Variants in CPS1 observed in about 807,000 individuals in gnomAD.
CPS1 encodes carbamoyl-phosphate synthase [ammonia], mitochondrial.
In CPS1, 109 loss-of-function variants were observed where a neutral mutation model predicts 174.6. The observed-to-expected ratio is 0.62, with a 90% CI of 0.53 to 0.73. CPS1 has a LOEUF of 0.73. Among genes scored for constraint, CPS1 ranks in the 30% least tolerant of loss-of-function variants. The pLI, the probability that CPS1 is intolerant of heterozygous loss-of-function variation, is 0.00. For synonymous variants in CPS1, 637 were observed against 632.0 expected, an observed-to-expected ratio of 1.01 and a Z score of -0.12; for missense variants, 1,689 against 1,821.9, an observed-to-expected ratio of 0.93 and a Z score of 1.33.
At chr2:210,611,472 A>G (rs545980986) in intron 19 of CPS1, among the ~76,000 whole-genome samples, 16 of 152,078 alleles carry the variant, frequency 1.1e-4, no homozygotes, top group Admixed American at 3.9e-4. Context: ...CAACTTGTCC[A>G]AACTAAATCA....
intron 6 of CPS1, among the ~76,000 whole-genome samples, 173 bp from the exon 7 acceptor site, chr2:210,587,885 G>A (rs1482548116): frequency 4.1e-4 from 62 of 151,994 alleles, no homozygotes; most frequent in Admixed American, 4.1e-3. Context: ...ACAGTCTGTG[G>A]CACTTGTTGT....
chr2:210,542,046 G>A (rs1696446563), intron 1 of CPS1, among the ~76,000 whole-genome samples: 1 of 152,018 alleles, frequency 6.6e-6, no homozygotes, highest in Non-Finnish European at 1.5e-5. Flanking sequence ...ATATACTCAA[G>A]TATTCTTAGT....
chr2:210,658,758 G>C, intron 31 of CPS1, 70 bp downstream of exon 31: 2 of 1,152,326 alleles, frequency 1.7e-6, no homozygotes, highest in Non-Finnish European at 1.3e-6. Flanking sequence ...CATCTCTCTG[G>C]TAATCTTCTC....
chr2:210,514,887 G>GTT (rs982742256), intron 1 of CPS1, among the ~76,000 whole-genome samples: 1 of 141,900 alleles, frequency 7.0e-6, no homozygotes, highest in African/African-American at 2.6e-5. Context: ...AGTTTGTTGA[G>GTT]TTTTTTTTTT....
chr2:210,572,799 A>G lies in CPS1; in HGVS notation c.127-499A>G, dbSNP rs1379059046. ...CATGGAAAGGGCAACCCTTGGGACA[A>G]CTCCATCAAACACAAGAGCTCTGTG... On this transcript the variant is annotated intron_variant, in intron 1 of 37. Transcript: ENST00000233072. Among the ~76,000 whole-genome samples, 4 of 152,012 alleles carry G rather than the reference A, an allele frequency of 2.6e-5. No homozygotes were observed. The East Asian group carries it at 5.8e-4, about 22-fold the overall frequency.
chr2:210,495,291 T>A (rs1407520691), intron 1 of CPS1, among the ~76,000 whole-genome samples: 1 of 152,168 alleles, frequency 6.6e-6, no homozygotes. Context: ...GGATGTCCCA[T>A]CACCCCATCA....
At chr2:210,575,041 T>C (rs1697641718) in intron 2 of CPS1, among the ~76,000 whole-genome samples, 1 of 152,074 alleles carries the variant, frequency 6.6e-6, no homozygotes, top group South Asian at 2.1e-4. Flanking sequence ...ATTTATATTG[T>C]GGGCAAGCCT....
chr2:210,642,488 C>T lies in CPS1; in HGVS notation c.2964C>T (p.Ser988=), dbSNP rs375326715. The T allele has an allele frequency of 6.2e-7, 1 of 1,613,906 alleles. No homozygotes were observed. The highest frequency in any genetic ancestry group is 8.5e-7 in the Non-Finnish European group (1 of 1,179,826). The change falls in exon 25 of 38, where the codon AGC becomes AGT. Residue 988 remains serine (S), a synonymous_variant. Transcript: ENST00000233072. ...VLGCGPYHIG[S]SVEFDWCAVS... ...CCAATCTCATTGTCTCTGCAGGCAG[C>T]AGTGTGGAATTTGATTGGTGTGCTG...
intron 1 of CPS1, among the ~76,000 whole-genome samples, chr2:210,478,223 T>C (rs1694457916): frequency 6.6e-6 from 1 of 152,242 alleles, no homozygotes; most frequent in Admixed American, 6.5e-5. Flanking sequence ...TATTGTTCAC[T>C]CCAAGAGTAT....
At chr2:210,528,424 C>A (rs1416790946) in intron 1 of CPS1, among the ~76,000 whole-genome samples, 1 of 151,962 alleles carries the variant, frequency 6.6e-6, no homozygotes, top group Non-Finnish European at 1.5e-5. Flanking sequence ...TATCTCCTCT[C>A]ATTATGTATT....
chr2:210,666,867 A>G (rs549150986), intron 33 of CPS1, among the ~76,000 whole-genome samples: 1,594 of 152,130 alleles, frequency 0.01, 27 homozygotes, highest in Middle Eastern at 0.058. Flanking sequence ...TGTGAAGAAA[A>G]TCACTGGTAG....
chr2:210,506,845 T>G (rs1476560064), intron 1 of CPS1, among the ~76,000 whole-genome samples: 1 of 152,060 alleles, frequency 6.6e-6, no homozygotes, highest in Non-Finnish European at 1.5e-5. Context: ...TAAAAAGAAA[T>G]GAACAAAGCC....
chr2:210,658,138 A>G (rs1559131607), intron 30 of CPS1: 1 of 200,892 alleles, frequency 5.0e-6, no homozygotes, highest in Admixed American at 5.3e-5. Context: ...CTAACCTTGT[A>G]GAGTCCAGGG....
intron 29 of CPS1, 137 bp downstream of exon 29, chr2:210,654,239 A>C (rs1700642506): frequency 2.7e-6 from 2 of 753,190 alleles, no homozygotes; most frequent in Non-Finnish European, 4.6e-6. Context: ...GCTGTAAAAA[A>C]AATCAAATTC....
chr2:210,584,219 T>A (rs1229137313), intron 6 of CPS1, among the ~76,000 whole-genome samples: 1 of 152,114 alleles, frequency 6.6e-6, no homozygotes, highest in Non-Finnish European at 1.5e-5. Flanking sequence ...CATGGGGCTT[T>A]ACATGTGGAG....
intron 33 of CPS1, among the ~76,000 whole-genome samples, chr2:210,666,462 C>T (rs1701100767): frequency 6.6e-6 from 1 of 151,832 alleles, no homozygotes. Context: ...GGTTTTAGGT[C>T]TAACGTTTAA....
chr2:210,612,721 C>T (rs1699172122), intron 20 of CPS1, among the ~76,000 whole-genome samples: 1 of 151,788 alleles, frequency 6.6e-6, no homozygotes, highest in African/African-American at 2.4e-5. Context: ...CCACTTGAGT[C>T]TAGAATAATC....
intron 1 of CPS1, among the ~76,000 whole-genome samples, chr2:210,546,059 G>C (rs1373419488): frequency 6.6e-6 from 1 of 151,994 alleles, no homozygotes; most frequent in Non-Finnish European, 1.5e-5. Flanking sequence ...TCAATCTTGA[G>C]AGTAGAAAAT....
At chr2:210,508,096 C>A (rs1281417250) in intron 1 of CPS1, among the ~76,000 whole-genome samples, 1 of 151,094 alleles carries the variant, frequency 6.6e-6, no homozygotes, top group Non-Finnish European at 1.5e-5. Context: ...CACCACACCA[C>A]ACCTATTCCA....
Sources: gnomAD v4.1 joint callset for allele counts (sites outside exome capture counted in the v4.1 genomes callset) on GRCh38, gnomAD v4.1.1 for gene constraint, MANE v1.5 for transcripts, NCBI Gene and HGNC (gene_info 2026-07-23, HGNC 2026-07-21) for gene names.